GAS1: variants seen among roughly 807,000 people sequenced by gnomAD.
GAS1 encodes the protein growth arrest-specific protein 1.
A neutral mutation model predicts 21.6 loss-of-function variants in GAS1; 10 were observed. The observed-to-expected ratio is 0.46, with a 90% CI of 0.29 to 0.79. The LOEUF (loss-of-function observed/expected upper bound fraction) is 0.79. Ranked by LOEUF, GAS1 falls within the 30% of genes least tolerant of loss-of-function variation. The pLI is 0.10. For synonymous variants in GAS1, 332 were observed against 264.0 expected (o/e 1.26, Z -2.50); for missense variants, 567 against 544.3 (o/e 1.04, Z -0.42).
chr9:86,947,259 T>G lies in GAS1; in HGVS notation c.-480A>C, dbSNP rs184542422. Reference sequence around the variant, plus strand: ...CGCCGCCGCCACCGCCGCCGCGGTCTCTCGCATCGCGCCGCTTCCTGGCCC... The same window carrying G: ...CGCCGCCGCCACCGCCGCCGCGGTCGCTCGCATCGCGCCGCTTCCTGGCCC... On this transcript the variant is annotated 5_prime_UTR_variant, in exon 1 of 1. Transcript: ENST00000298743. 1.3e-5 allele frequency: 2 copies of G among 151,656 alleles called. No homozygotes were observed. Among genetic ancestry groups the G allele is most frequent in the Non-Finnish European group, 2.9e-5 (2 of 68,008 alleles). The allele number at this position is 151,656 out of a possible 1,614,324, so 9.4% of individuals were successfully genotyped here.
Position 86,946,172 on chromosome 9 carries a change from C to T in GAS1, c.608G>A (p.Cys203Tyr). 1 of 1,607,226 alleles carries T rather than the reference C, an allele frequency of 6.2e-7. No homozygotes were observed. Among genetic ancestry groups the T allele is most frequent in the Non-Finnish European group, 8.5e-7 (1 of 1,179,546 alleles). Residue 203 changes from cysteine to tyrosine, a missense_variant, in exon 1 of 1, where the codon TGC becomes TAC. Transcript: ENST00000298743. The surrounding 1 kb of genome is among the most constrained non-coding windows in gnomAD (Gnocchi z 5.2). The part of the protein sequence containing the change: ...VFNGLRCTDE[C>Y]RTVIEDMLAM... ...CAGCATGTCCTCAATGACGGTGCGGCATTCGTCCGTGCAGCGCAGCCCGTT... is the reference window on the plus strand; with the variant it reads ...CAGCATGTCCTCAATGACGGTGCGGTATTCGTCCGTGCAGCGCAGCCCGTT...
Position 86,946,270 on chromosome 9 carries a change from C to A in GAS1, c.510G>T (p.Arg170=). The A allele has an allele frequency of 6.5e-7, 1 of 1,546,704 alleles. No homozygotes were observed. Among genetic ancestry groups the A allele is most frequent in the Non-Finnish European group, 8.7e-7 (1 of 1,153,010 alleles). ...AGGVMGCTEA[R]RRCDRDSRCN... The stretch of plus-strand genomic sequence containing the variant: ...AGCGGCTGTCGCGGTCGCAGCGCCG[C>A]CGGGCCTCGGTGCAGCCCATGACCC... Residue 170 remains arginine, a synonymous_variant, in exon 1 of 1, where the codon CGG becomes CGT. Coordinates refer to ENST00000298743, the MANE Select transcript of GAS1 (RefSeq NM_002048.3). The surrounding 1 kb of genome is among the most constrained non-coding windows in gnomAD (Gnocchi z 5.2).
In GAS1 at chr9:86,946,298, C is replaced by A. The variant is rs769586642; in HGVS notation, c.482G>T (p.Gly161Val). 6.9e-6 allele frequency: 10 copies of A among 1,440,944 alleles called. No homozygotes were observed. The South Asian group carries it at 1.4e-4, about 20-fold the overall frequency. The allele number at this position is 1,440,944 out of a possible 1,614,324, so 89.3% of individuals were successfully genotyped here. A position where few individuals can be genotyped will look rare whatever the true frequency, so the allele number is the denominator to read the frequency against. Reference sequence around the variant, plus strand: ...GGCCTCGGTGCAGCCCATGACCCCGCCCGCGCCGGGGCCGCCCGCGCCGCC... The same window carrying A: ...GGCCTCGGTGCAGCCCATGACCCCGACCGCGCCGGGGCCGCCCGCGCCGCC... ...SGGGAGGPGAGGVMGCTEARR... is the reference protein window; with the variant it reads ...SGGGAGGPGAVGVMGCTEARR... The change falls in exon 1 of 1, where the codon GGC (glycine) becomes GTC (valine). Residue 161 changes from glycine (G) to valine (V), a missense_variant. Coordinates refer to ENST00000298743, the MANE Select transcript of GAS1 (RefSeq NM_002048.3). The surrounding 1 kb of genome is among the most constrained non-coding windows in gnomAD (Gnocchi z 5.2).
chr9:86,946,490 G>T lies in GAS1; in HGVS notation c.290C>A (p.Ala97Asp). The change falls in exon 1 of 1, where the codon GCC (alanine) becomes GAC (aspartate). Residue 97 changes from alanine to aspartate, a missense_variant. Coordinates refer to ENST00000298743, the MANE Select transcript of GAS1 (RefSeq NM_002048.3). This position sits in a 1 kb window ranked among gnomAD's most constrained non-coding sequence, Gnocchi z 5.2. ...GCAGCGCCAGCGCGACGAGAAAGAG[G>T]CGGCCGAGGCCGGGAAAGCGGCGGC... The part of the protein sequence containing the change: ...AAAAAFPASA[A>D]SFSSRWRCPS... 2 of 1,449,130 alleles carry T rather than the reference G, an allele frequency of 1.4e-6. No individual in the cohort carries two copies. The highest frequency in any genetic ancestry group is 1.8e-6 in the Non-Finnish European group (2 of 1,102,794). The allele number at this position is 1,449,130 out of a possible 1,614,324, so 89.8% of individuals were successfully genotyped here. A position where few individuals can be genotyped will look rare whatever the true frequency, so the allele number is the denominator to read the frequency against.
Position 86,946,334 on chromosome 9 carries a change from CG to C in GAS1, c.445del (p.Arg149GlyfsTer35). 2.8e-6 allele frequency: 4 copies of C among 1,427,010 alleles called. No individual in the cohort carries two copies. The highest frequency in any genetic ancestry group is 2.6e-5 in the Admixed American group (1 of 38,230). 88.4% of individuals were successfully genotyped at this position (1,427,010 alleles called of 1,614,324 possible). ...GCCGCCCGCGCCGCCGCCGCTCGTC[CG>C]GGGCAGGCACGGCTCAATGGCGCGC... ...TKRAIEPCLP[R>X]TSGGGAGGPG... On this transcript the variant is annotated frameshift_variant, in exon 1 of 1. Coordinates refer to ENST00000298743, the MANE Select transcript of GAS1 (RefSeq NM_002048.3). LOFTEE classifies it high-confidence loss of function. The surrounding 1 kb of genome is among the most constrained non-coding windows in gnomAD (Gnocchi z 5.2).
rs1825498068 is a variant in GAS1, at chr9:86,946,622, A to T, written c.158T>A (p.Leu53Gln). 2 of 1,450,670 alleles carry T rather than the reference A, an allele frequency of 1.4e-6. No homozygotes were observed. Among genetic ancestry groups the T allele is most frequent in the Non-Finnish European group, 9.1e-7 (1 of 1,104,002 alleles). 89.9% of individuals were successfully genotyped at this position (1,450,670 alleles called of 1,614,324 possible). ...GRRLICWQAL[L>Q]QCQGEPECSY... ...GCACTCCGGCTCCCCCTGGCACTGC[A>T]GCAGCGCCTGCCAGCAGATGAGGCG... is the stretch of plus-strand genomic sequence containing the variant. The change falls in exon 1 of 1, where the codon CTG (leucine) becomes CAG (glutamine). Residue 53 changes from leucine to glutamine, a missense_variant. By Grantham distance (113) the Leu-to-Gln change is moderately radical. Coordinates refer to ENST00000298743, the MANE Select transcript of GAS1 (RefSeq NM_002048.3). This position sits in a 1 kb window ranked among gnomAD's most constrained non-coding sequence, Gnocchi z 5.2.
rs2118609386 is a variant in GAS1, at chr9:86,946,845, G to A, written c.-66C>T. ...ACGAGGCGCGGGGAGCGGCGGACGC[G>A]GAGCCGGTGGAAAAGTTTGTCCAAG... On this transcript the variant is annotated 5_prime_UTR_variant, in exon 1 of 1. Coordinates refer to ENST00000298743, the MANE Select transcript of GAS1 (RefSeq NM_002048.3). The surrounding 1 kb of genome is among the most constrained non-coding windows in gnomAD (Gnocchi z 5.2). 2 of 456,376 alleles carry A rather than the reference G, an allele frequency of 4.4e-6. No homozygotes were observed. Among genetic ancestry groups the A allele is most frequent in the East Asian group, 8.3e-5 (2 of 24,028 alleles). 28.3% of individuals were successfully genotyped at this position (456,376 alleles called of 1,614,324 possible).
At position 86,946,562 on chromosome 9, in the gene GAS1, G is replaced by T. The variant is rs1221050677; in HGVS notation, c.218C>A (p.Ala73Glu). 1 of 1,395,806 alleles carries T rather than the reference G, an allele frequency of 7.2e-7. No individual in the cohort carries two copies. The highest frequency in any genetic ancestry group is 9.3e-7 in the Non-Finnish European group (1 of 1,078,386). 86.5% of individuals were successfully genotyped at this position (1,395,806 alleles called of 1,614,324 possible). ...YAYNQYAEAC[A>E]PVLAQHGGGD... ...CCCGCCGTGCTGCGCCAGCACCGGCGCGCACGCCTCGGCGTACTGGTTGTA... is the reference window on the plus strand; with the variant it reads ...CCCGCCGTGCTGCGCCAGCACCGGCTCGCACGCCTCGGCGTACTGGTTGTA... The change falls in exon 1 of 1, where the codon GCG becomes GAG. Residue 73 changes from alanine to glutamate, a missense_variant. By Grantham distance (107) the Ala-to-Glu change is moderately radical. Coordinates refer to ENST00000298743, the MANE Select transcript of GAS1 (RefSeq NM_002048.3). The surrounding 1 kb of genome is among the most constrained non-coding windows in gnomAD (Gnocchi z 5.2).
rs939636971 is a variant in GAS1 at position 86,944,836 on chromosome 9, G to A, written c.*906C>T. ...TTTATATACGATGTACCAGGGTTTA[G>A]CAACCCTGATAGGAGCAGAGGCAAT... On this transcript the variant is annotated 3_prime_UTR_variant, in exon 1 of 1. Transcript: ENST00000298743. The A allele has an allele frequency of 6.6e-6, 1 of 152,162 alleles. No homozygotes were observed. The highest frequency in any genetic ancestry group is 1.5e-5 in the Non-Finnish European group (1 of 68,028). 9.4% of individuals were successfully genotyped at this position (152,162 alleles called of 1,614,324 possible).
At position 86,946,675 on chromosome 9, in the gene GAS1, C is replaced by A. The variant is rs1195169174; in HGVS notation, c.105G>T (p.Pro35=). 1.4e-6 allele frequency: 2 copies of A among 1,423,072 alleles called. No individual in the cohort carries two copies. The highest frequency in any genetic ancestry group is 1.4e-5 in the South Asian group (1 of 71,970). 88.2% of individuals were successfully genotyped at this position (1,423,072 alleles called of 1,614,324 possible). A position where few individuals can be genotyped will look rare whatever the true frequency, so the allele number is the denominator to read the frequency against. ...GGCCGTGCGCCAGCCCCGATCCCCG[C>A]GGCGCCGAGCCCAGCAGCTGCAGCA... The part of the protein sequence containing the change: ...MALLQLLGSA[P]RGSGLAHGRR... Residue 35 remains proline, a synonymous_variant, in exon 1 of 1, where the codon CCG becomes CCT. Coordinates refer to ENST00000298743, the MANE Select transcript of GAS1 (RefSeq NM_002048.3). This position sits in a 1 kb window ranked among gnomAD's most constrained non-coding sequence, Gnocchi z 5.2.
rs769522122 is a variant in GAS1, at chr9:86,945,929, A to G, written c.851T>C (p.Leu284Pro). The stretch of plus-strand genomic sequence containing the variant: ...GTGCGGGACGCCGTCGTCGTCGTCC[A>G]GCGGCTGCTCACCACCCGCGCCCCC... ...RTGGAGGEQP[L>P]DDDDGVPHPP... is the part of the protein sequence containing the mutation. Residue 284 changes from leucine to proline, a missense_variant, in exon 1 of 1, where the codon CTG (leucine) becomes CCG (proline). Leu to Pro is a moderately conservative substitution (Grantham distance 98). Coordinates refer to ENST00000298743, the MANE Select transcript of GAS1 (RefSeq NM_002048.3). 1.3e-6 allele frequency: 2 copies of G among 1,581,880 alleles called. No homozygotes were observed. The highest frequency in any genetic ancestry group is 1.8e-5 in the Admixed American group (1 of 56,800).
In GAS1 at chr9:86,945,813, G is replaced by GGCCGCC. The variant is rs765012950; in HGVS notation, c.961_966dup (p.Gly321_Gly322dup). 6.6e-7 allele frequency: 1 copy of GGCCGCC among 1,514,532 alleles called. No homozygotes were observed. Among genetic ancestry groups the GGCCGCC allele is most frequent in the African/African-American group, 1.5e-5 (1 of 68,888 alleles). The allele number at this position is 1,514,532 out of a possible 1,614,324, so 93.8% of individuals were successfully genotyped here. A position where few individuals can be genotyped will look rare whatever the true frequency, so the allele number is the denominator to read the frequency against. On this transcript the variant is annotated inframe_insertion, in exon 1 of 1. Transcript: ENST00000298743. ...GTCCAGGCGCCCCGGGGCGCCAAGC[G>GGCCGCC]GCCGCCGCCGCCGCTGCTCCTGCGC...
chr9:86,947,117 G>C lies in GAS1; in HGVS notation c.-338C>G, dbSNP rs1825513789. ...GGCCGTGGCGGGGCTGCAGGACCGCGCGGCGCGGCGGGTGCATTTTGCTCC... is the reference window on the plus strand; with the variant it reads ...GGCCGTGGCGGGGCTGCAGGACCGCCCGGCGCGGCGGGTGCATTTTGCTCC... On this transcript the variant is annotated 5_prime_UTR_variant, in exon 1 of 1. Coordinates refer to ENST00000298743, the MANE Select transcript of GAS1 (RefSeq NM_002048.3). 3.2e-5 allele frequency: 6 copies of C among 186,258 alleles called. No individual in the cohort carries two copies. The highest frequency in any genetic ancestry group is 1.1e-5 in the Non-Finnish European group (1 of 87,016). The allele number at this position is 186,258 out of a possible 1,614,324, so 11.5% of individuals were successfully genotyped here.
chr9:86,947,369 G>A lies in GAS1; in HGVS notation c.-590C>T, dbSNP rs1324791350. On this transcript the variant is annotated 5_prime_UTR_variant, in exon 1 of 1. Transcript: ENST00000298743. ...GCCCGCGGCAACCCCGGCCTCCGCA[G>A]AGCTCCGGGGAGCTCTTTCCGGGAA... Among the ~76,000 whole-genome samples the A allele has an allele frequency of 1.3e-5, 2 of 151,922 alleles. No homozygotes were observed. The highest frequency in any genetic ancestry group is 1.5e-5 in the Non-Finnish European group (1 of 67,940).
chr9:86,946,229 C>T lies in GAS1; in HGVS notation c.551G>A (p.Ser184Asn). Reference sequence around the variant, plus strand: ...TTTGCCGCAGTAGGTCAGGTAGCGGCTCAGCGCCAGGTTGCAGCGGCTGTC... The same window carrying T: ...TTTGCCGCAGTAGGTCAGGTAGCGGTTCAGCGCCAGGTTGCAGCGGCTGTC... The part of the protein sequence containing the change: ...DRDSRCNLAL[S>N]RYLTYCGKVF... Residue 184 changes from serine (S) to asparagine (N), a missense_variant, in exon 1 of 1, where the codon AGC becomes AAC. Physicochemically the swap from Ser to Asn is conservative, Grantham distance 46. Coordinates refer to ENST00000298743, the MANE Select transcript of GAS1 (RefSeq NM_002048.3). This position sits in a 1 kb window ranked among gnomAD's most constrained non-coding sequence, Gnocchi z 5.2. 6.3e-7 allele frequency: 1 copy of T among 1,593,408 alleles called. No homozygotes were observed. Among genetic ancestry groups the T allele is most frequent in the Non-Finnish European group, 8.5e-7 (1 of 1,176,422 alleles).
chr9:86,946,726 C>G lies in GAS1; in HGVS notation c.54G>C (p.Pro18=). ...GCGCCATCAGGCACAGCCAGGCGCC[C>G]GGCACTGTCCCCCCGCGGGCCTCGC... ...GGGEARGGTV[P]GAWLCLMALL... Residue 18 remains proline (P), a synonymous_variant, in exon 1 of 1, where the codon CCG becomes CCC. Coordinates refer to ENST00000298743, the MANE Select transcript of GAS1 (RefSeq NM_002048.3). The surrounding 1 kb of genome is among the most constrained non-coding windows in gnomAD (Gnocchi z 5.2). The G allele has an allele frequency of 7.5e-7, 1 of 1,329,924 alleles. No homozygotes were observed. Among genetic ancestry groups the G allele is most frequent in the Non-Finnish European group, 9.7e-7 (1 of 1,027,010 alleles). The allele number at this position is 1,329,924 out of a possible 1,614,324, so 82.4% of individuals were successfully genotyped here.
Position 86,946,118 on chromosome 9 carries a change from T to C in GAS1, c.662A>G (p.Asp221Gly). 1.2e-6 allele frequency: 2 copies of C among 1,608,962 alleles called. No homozygotes were observed. The highest frequency in any genetic ancestry group is 1.7e-6 in the Non-Finnish European group (2 of 1,179,624). ...CCGCTCGAGGCCGTCGCACACGCAG[T>C]CGTTGAGCAGCGCCGCCTTGGGCAT... ...LAMPKAALLN[D>G]CVCDGLERPI... is the part of the protein sequence containing the mutation. The change falls in exon 1 of 1, where the codon GAC becomes GGC. Residue 221 changes from aspartate to glycine, a missense_variant. Physicochemically the swap from Asp to Gly is moderately conservative, Grantham distance 94. Transcript: ENST00000298743. The surrounding 1 kb of genome is among the most constrained non-coding windows in gnomAD (Gnocchi z 5.2).
Position 86,946,562 on chromosome 9 carries a change from G to A in GAS1, c.218C>T (p.Ala73Val). The change falls in exon 1 of 1, where the codon GCG becomes GTG. Residue 73 changes from alanine to valine, a missense_variant. Transcript: ENST00000298743. The surrounding 1 kb of genome is among the most constrained non-coding windows in gnomAD (Gnocchi z 5.2). ...YAYNQYAEAC[A>V]PVLAQHGGGD... Reference sequence around the variant, plus strand: ...CCCGCCGTGCTGCGCCAGCACCGGCGCGCACGCCTCGGCGTACTGGTTGTA... The same window carrying A: ...CCCGCCGTGCTGCGCCAGCACCGGCACGCACGCCTCGGCGTACTGGTTGTA... The A allele has an allele frequency of 7.2e-7, 1 of 1,395,806 alleles. No individual in the cohort carries two copies. The allele number at this position is 1,395,806 out of a possible 1,614,324, so 86.5% of individuals were successfully genotyped here. A position where few individuals can be genotyped will look rare whatever the true frequency, so the allele number is the denominator to read the frequency against.
chr9:86,946,603 C>A lies in GAS1; in HGVS notation c.177G>T (p.Pro59=). ...WQALLQCQGE[P]ECSYAYNQYA... ...ACTGGTTGTAGGCGTAGCTGCACTC[C>A]GGCTCCCCCTGGCACTGCAGCAGCG... Residue 59 remains proline, a synonymous_variant, in exon 1 of 1, where the codon CCG becomes CCT. Transcript: ENST00000298743. The surrounding 1 kb of genome is among the most constrained non-coding windows in gnomAD (Gnocchi z 5.2). The A allele has an allele frequency of 6.9e-7, 1 of 1,449,714 alleles. No individual in the cohort carries two copies. The highest frequency in any genetic ancestry group is 9.1e-7 in the Non-Finnish European group (1 of 1,103,812). The allele number at this position is 1,449,714 out of a possible 1,614,324, so 89.8% of individuals were successfully genotyped here. A position where few individuals can be genotyped will look rare whatever the true frequency, so the allele number is the denominator to read the frequency against.
Sources: allele counts gnomAD v4.1 joint callset (sites outside exome capture counted in the v4.1 genomes callset), GRCh38; gene constraint gnomAD v4.1.1; non-coding constraint Gnocchi (gnomAD v3.1); transcripts MANE v1.5; gene names NCBI Gene and HGNC (gene_info 2026-07-23, HGNC 2026-07-21).